The following INTS6 variants were observed in gnomAD, a reference collection of about 807,000 sequenced individuals.
INTS6 encodes integrator complex subunit 6, also known as DEAD box protein.
In INTS6, 16 loss-of-function variants were observed where a neutral mutation model predicts 104.9. That is an observed-to-expected ratio of 0.15 (90% CI 0.10 to 0.23). INTS6 has a LOEUF of 0.23. INTS6 is among the 10% of genes least tolerant of loss of function. The pLI is 1.00. For missense variants in INTS6, 584 were observed against 1,062.8 expected (o/e 0.55, Z 6.26); for synonymous variants, 324 against 358.7 (o/e 0.90, Z 1.09).
downstream of INTS6, among the ~76,000 whole-genome samples, chr13:51,360,147 G>T (rs1282202936): frequency 3.9e-5 from 6 of 152,184 alleles, no homozygotes; most frequent in Admixed American, 2.0e-4. Flanking sequence ...TATCTCCTGT[G>T]TGTGCGTGAC....
intron 3 of INTS6, among the ~76,000 whole-genome samples, chr13:51,436,116 A>G (rs1952680372): frequency 6.6e-6 from 1 of 152,130 alleles, no homozygotes; most frequent in Non-Finnish European, 1.5e-5. Context: ...CTTTGACCAC[A>G]TAAAAAAGAT....
At chr13:51,421,528 T>C (rs535880010) in intron 4 of INTS6, among the ~76,000 whole-genome samples, 78 of 152,252 alleles carry the variant, frequency 5.1e-4, no homozygotes, top group South Asian at 3.3e-3. Flanking sequence ...TTATTCCTAA[T>C]ATAAAAGTCT....
chr13:51,378,332 T>G lies in INTS6; in HGVS notation c.1509A>C (p.Gln503His), dbSNP rs142257701. 6.8e-6 allele frequency: 11 copies of G among 1,613,420 alleles called. No homozygotes were observed. Among genetic ancestry groups the G allele is most frequent in the Non-Finnish European group, 7.6e-6 (9 of 1,179,458 alleles). ...LSMAYRKDFQQLLQGISEDVP... is the reference protein window; with the variant it reads ...LSMAYRKDFQHLLQGISEDVP... ...CATCCTCTGAAATTCCCTGGAGGAGTTGTTGAAAATCTTTCCTATATGCCA... is the reference window on the plus strand; with the variant it reads ...CATCCTCTGAAATTCCCTGGAGGAGGTGTTGAAAATCTTTCCTATATGCCA... The change falls in exon 12 of 18, where the codon CAA (glutamine) becomes CAC (histidine). Residue 503 changes from glutamine to histidine, a missense_variant. Physicochemically the swap from Gln to His is conservative, Grantham distance 24. Coordinates refer to ENST00000311234, the MANE Select transcript of INTS6 (RefSeq NM_012141.3).
In INTS6 at chr13:51,452,104, C is replaced by G; in HGVS notation, c.112-49G>C. On this transcript the variant is annotated intron_variant, in intron 1 of 17. Transcript: ENST00000311234. The surrounding 1 kb of genome is among the most constrained non-coding windows in gnomAD (Gnocchi z 4.2). Reference sequence around the variant, plus strand: ...GGCGGGCGACAGGGAAGCACAGAGGCGAGGTTACGAGGCGGAGAAGGGGCG... The same window carrying G: ...GGCGGGCGACAGGGAAGCACAGAGGGGAGGTTACGAGGCGGAGAAGGGGCG... 1 of 1,553,672 alleles carries G rather than the reference C, an allele frequency of 6.4e-7. No homozygotes were observed. Among genetic ancestry groups the G allele is most frequent in the African/African-American group, 1.4e-5 (1 of 73,674 alleles).
At chr13:51,396,054 T>C (rs1028818180) in intron 4 of INTS6, among the ~76,000 whole-genome samples, 3 of 152,072 alleles carry the variant, frequency 2.0e-5, no homozygotes, top group African/African-American at 7.2e-5. Flanking sequence ...CGCCTCGGCC[T>C]CTCAAAGTGC....
intron 5 of INTS6, 91 bp from the exon 6 acceptor site, chr13:51,389,535 C>T: frequency 7.8e-7 from 1 of 1,287,768 alleles, no homozygotes; most frequent in African/African-American, 1.5e-5. Flanking sequence ...AAAAAAACAA[C>T]TGTGGGGTTT....
downstream of INTS6, among the ~76,000 whole-genome samples, chr13:51,350,648 T>C (rs1212004968): frequency 6.6e-6 from 1 of 152,108 alleles, no homozygotes. Context: ...CAAGATATAA[T>C]TCACATATTA....
chr13:51,370,634 A>G (rs567294078), intron 15 of INTS6, among the ~76,000 whole-genome samples: 17 of 152,270 alleles, frequency 1.1e-4, no homozygotes, highest in Admixed American at 7.8e-4. Flanking sequence ...CATACAGTCC[A>G]ATGGTGGTGG....
chr13:51,444,800 CTTTTTTT>C lies in INTS6; in HGVS notation c.339+6218_339+6224del, dbSNP rs748460031. The C allele has an allele frequency of 4.5e-5, 5 of 112,150 alleles. No individual in the cohort carries two copies. The East Asian group carries it at 1.0e-3, about 23-fold the overall frequency. 6.9% of individuals were successfully genotyped at this position (112,150 alleles called of 1,614,324 possible). ...CCTTAGGATAGTGTTTTTCATTTTT[CTTTTTTT>C]TTTTTTTTTCAGATCATGACTGGAG... On this transcript the variant is annotated intron_variant, in intron 3 of 17. Transcript: ENST00000311234.
chr13:51,452,677 G>A lies in INTS6; in HGVS notation c.-152C>T. On this transcript the variant is annotated 5_prime_UTR_variant, in exon 1 of 18. Transcript: ENST00000311234. This position sits in a 1 kb window ranked among gnomAD's most constrained non-coding sequence, Gnocchi z 4.2. ...GTCTGGGTCTTTCCTCCGGCTGCGG[G>A]GAGTTTCTCCCCCGATAGTTGAGAG... 9 of 1,413,358 alleles carry A rather than the reference G, an allele frequency of 6.4e-6. No homozygotes were observed. The highest frequency in any genetic ancestry group is 8.3e-6 in the Non-Finnish European group (9 of 1,083,886). 87.6% of individuals were successfully genotyped at this position (1,413,358 alleles called of 1,614,324 possible).
At chr13:51,337,335 T>C in the INTS6 span, among the ~76,000 whole-genome samples, 1 of 152,238 alleles carries the variant, frequency 6.6e-6, no homozygotes, top group Non-Finnish European at 1.5e-5. Flanking sequence ...GAAAGTGATT[T>C]GTTTATAAGA....
intron 4 of INTS6, among the ~76,000 whole-genome samples, chr13:51,419,506 A>G (rs770269614): frequency 2.8e-4 from 43 of 152,218 alleles, no homozygotes; most frequent in Admixed American, 4.6e-4. Context: ...ATGTCTTTGC[A>G]TACATCTACT....
At chr13:51,451,697 A>C in intron 2 of INTS6, 1 of 181,518 alleles carries the variant, frequency 5.5e-6, no homozygotes, top group Non-Finnish European at 1.1e-5. Flanking sequence ...CGCGGAGGGG[A>C]AATGTCGGCC....
chr13:51,412,389 T>A (rs1273529138), intron 4 of INTS6, among the ~76,000 whole-genome samples: 1 of 152,150 alleles, frequency 6.6e-6, no homozygotes, highest in African/African-American at 2.4e-5. Flanking sequence ...AAGAAAAGGT[T>A]CTAGAATGCA....
At chr13:51,410,577 C>A (rs920556770) in intron 4 of INTS6, among the ~76,000 whole-genome samples, 10 of 152,104 alleles carry the variant, frequency 6.6e-5, no homozygotes, top group African/African-American at 2.4e-4. Context: ...TTATTTCTCT[C>A]AAAGTAAGGG....
chr13:51,392,327 C>G (rs531688990), intron 5 of INTS6, among the ~76,000 whole-genome samples: 1 of 152,288 alleles, frequency 6.6e-6, no homozygotes, highest in East Asian at 1.9e-4. Context: ...CTCTATTCCC[C>G]GCTATGTAAG....
intron 13 of INTS6, among the ~76,000 whole-genome samples, chr13:51,375,766 T>TGG (rs1003965942): frequency 1.4e-5 from 2 of 147,224 alleles, no homozygotes; most frequent in African/African-American, 5.0e-5. Flanking sequence ...TGTGTGTGTG[T>TGG]GCGCGCGCGT....
intron 3 of INTS6, chr13:51,439,025 T>C (rs976301004): frequency 2.6e-5 from 4 of 152,206 alleles, no homozygotes; most frequent in African/African-American, 7.2e-5. Context: ...CAAAAGACTG[T>C]TGTTGTTTCC....
At chr13:51,418,773 A>T (rs1343324321) in intron 4 of INTS6, among the ~76,000 whole-genome samples, 2 of 152,228 alleles carry the variant, frequency 1.3e-5, no homozygotes, top group East Asian at 3.8e-4. Context: ...TTTCTTCAAC[A>T]AAGTTTTACC....
Sources: allele counts gnomAD v4.1 joint callset (sites outside exome capture counted in the v4.1 genomes callset), GRCh38; gene constraint gnomAD v4.1.1; non-coding constraint Gnocchi (gnomAD v3.1); transcripts MANE v1.5; gene names NCBI Gene and HGNC (gene_info 2026-07-23, HGNC 2026-07-21).